The following LYSMD4 variants were observed in gnomAD, a reference collection of about 807,000 sequenced individuals.
LYSMD4 encodes the protein LysM domain containing 4.
LYSMD4 carries 9 observed loss-of-function variants against 6.1 expected under a neutral mutation model. That is an observed-to-expected ratio of 1.47 (90% CI 0.88 to 2.56). The LOEUF is 2.56. LYSMD4 is among the 30% of genes most tolerant of loss of function. LYSMD4 has a pLI of 0.00. For synonymous variants in LYSMD4, 143 were observed against 148.5 expected (o/e 0.96, Z 0.27); for missense variants, 384 against 373.5 (o/e 1.03, Z -0.23).
At chr15:99,732,098 T>A (rs1356922013) in intron 1 of LYSMD4, 91 bp from the exon 2 acceptor site, 7 of 1,346,110 alleles carry the variant, frequency 5.2e-6, no homozygotes, top group Non-Finnish European at 7.0e-6. Flanking sequence ...TAGAGAGTAT[T>A]CCTTTTCCTA....
At chr15:99,731,581 G>C in intron 2 of LYSMD4, 137 bp downstream of exon 2, 1 of 1,526,308 alleles carries the variant, frequency 6.6e-7, no homozygotes, top group Non-Finnish European at 8.7e-7. Flanking sequence ...GCTAAATAGG[G>C]GAGTCCTTGG....
In LYSMD4 at chr15:99,729,175, G is replaced by C. The variant is rs1289169935; in HGVS notation, c.839C>G (p.Ala280Gly). ...GAACTGGCTGTCTGCAGAAGTGACG[G>C]CTGGCACTGCAACTGCTAGTCTGGG... ...QAPRLAVAVPAVTSADSQFSQ... is the reference protein window; with the variant it reads ...QAPRLAVAVPGVTSADSQFSQ... The change falls in exon 3 of 3, where the codon GCC (alanine) becomes GGC (glycine). Residue 280 changes from alanine to glycine, a missense_variant. Physicochemically the swap from Ala to Gly is moderately conservative, Grantham distance 60 (BLOSUM62 0). Coordinates refer to ENST00000684762, the MANE Select transcript of LYSMD4 (RefSeq NM_001284417.2). 1.9e-6 allele frequency: 3 copies of C among 1,614,110 alleles called. No individual in the cohort carries two copies. Among genetic ancestry groups the C allele is most frequent in the Non-Finnish European group, 2.5e-6 (3 of 1,180,040 alleles).
chr15:99,716,612 T>G (rs1457444592), exon 1 of LYSMD4: 1 of 456,752 alleles, frequency 2.2e-6, no homozygotes, highest in Non-Finnish European at 4.4e-6. Flanking sequence ...CCTGCAGGCT[T>G]CTTTCTCTGG....
At position 99,729,511 on chromosome 15, in the gene LYSMD4, C is replaced by G; in HGVS notation, c.503G>C (p.Gly168Ala). Reference sequence around the variant, plus strand: ...ATCCTGGTCAATCCCCTTAAAGAAGCCCATCAGTTGGCCGGCCTGGGCACC... The same window carrying G: ...ATCCTGGTCAATCCCCTTAAAGAAGGCCATCAGTTGGCCGGCCTGGGCACC... ...GTGAQAGQLM[G>A]FFKGIDQDIE... The change falls in exon 3 of 3, where the codon GGC becomes GCC. Residue 168 changes from glycine to alanine, a missense_variant. Transcript: ENST00000684762. 6.2e-7 allele frequency: 1 copy of G among 1,614,130 alleles called. No individual in the cohort carries two copies. Among genetic ancestry groups the G allele is most frequent in the Admixed American group, 1.7e-5 (1 of 60,028 alleles).
Position 99,729,591 on chromosome 15 carries a change from GGAA to G in LYSMD4, c.420_422del (p.Ser141del). 1 of 1,614,090 alleles carries G rather than the reference GGAA, an allele frequency of 6.2e-7. No individual in the cohort carries two copies. The highest frequency in any genetic ancestry group is 2.2e-5 in the East Asian group (1 of 44,884). Reference sequence around the variant, plus strand: ...GCAGTTCCACGGTCACTGTGGTCTCGGAAGACGGGCTCAGAAGGGGTTTCAGTT... The same window carrying G: ...GCAGTTCCACGGTCACTGTGGTCTCGGACGGGCTCAGAAGGGGTTTCAGTT... On this transcript the variant is annotated inframe_deletion, in exon 3 of 3. Transcript: ENST00000684762.
downstream of LYSMD4, among the ~76,000 whole-genome samples, chr15:99,727,146 G>A (rs574059499): frequency 2.0e-5 from 3 of 152,300 alleles, no homozygotes; most frequent in African/African-American, 7.2e-5. Context: ...AGGCTGAGGT[G>A]GGCAGATTAT....
At chr15:99,722,289 A>G (rs1403365475), upstream of LYSMD4, among the ~76,000 whole-genome samples, 1 of 152,160 alleles carries the variant, frequency 6.6e-6, no homozygotes, top group African/African-American at 2.4e-5. Flanking sequence ...AGCAGGACTG[A>G]AAAAATCCTC....
Position 99,733,426 on chromosome 15 carries a change from C to A in LYSMD4, c.-90G>T, listed in dbSNP as rs1055763929. ...CGACCCGCAGCTGCCACCGCGCCTG[C>A]GGATTGGCTACGAACATCAGCAGGG... On this transcript the variant is annotated 5_prime_UTR_variant, in exon 1 of 3. Transcript: ENST00000684762. 2.3e-5 allele frequency: 9 copies of A among 395,246 alleles called. No homozygotes were observed. Among genetic ancestry groups the A allele is most frequent in the African/African-American group, 1.9e-4 (9 of 48,430 alleles). 24.5% of individuals were successfully genotyped at this position (395,246 alleles called of 1,614,324 possible). A position where few individuals can be genotyped will look rare whatever the true frequency, so the allele number is the denominator to read the frequency against.
exon 1 of LYSMD4, chr15:99,716,586 A>G (rs2059171281): frequency 2.2e-6 from 1 of 456,496 alleles, no homozygotes; most frequent in African/African-American, 2.0e-5. Context: ...CATTCCTTTC[A>G]CGAAGACCTT....
chr15:99,731,810 G>C lies in LYSMD4; in HGVS notation c.190C>G (p.Pro64Ala). ...ERHKSGVHQP[P>A]QAGAGDVVLL... ...ACCACGTCACCTGCTCCCGCCTGGG[G>C]AGGCTGGTGGACACCGCTCTTGTGG... The change falls in exon 2 of 3, where the codon CCC becomes GCC. Residue 64 changes from proline (P) to alanine (A), a missense_variant. Coordinates refer to ENST00000684762, the MANE Select transcript of LYSMD4 (RefSeq NM_001284417.2). 6.2e-7 allele frequency: 1 copy of C among 1,612,590 alleles called. No individual in the cohort carries two copies. Among genetic ancestry groups the C allele is most frequent in the Non-Finnish European group, 8.5e-7 (1 of 1,180,022 alleles).
At chr15:99,727,108 C>T (rs2059290691), downstream of LYSMD4, among the ~76,000 whole-genome samples, 2 of 152,214 alleles carry the variant, frequency 1.3e-5, no homozygotes, top group African/African-American at 4.8e-5. Flanking sequence ...GGTGCAGTGG[C>T]TCACGTCTGT....
chr15:99,719,785 G>C (rs143502896), upstream of LYSMD4, among the ~76,000 whole-genome samples: 104 of 152,312 alleles, frequency 6.8e-4, no homozygotes, highest in Non-Finnish European at 1.2e-3. Flanking sequence ...CGCCAAATTT[G>C]CCTCCAGAGA....
In LYSMD4 at chr15:99,731,943, C is replaced by G; in HGVS notation, c.57G>C (p.Gly19=). 1 of 1,611,394 alleles carries G rather than the reference C, an allele frequency of 6.2e-7. No individual in the cohort carries two copies. ...ACATGTATACGTGGCTGGTCGGAGTCCCACACACAACAGCTGGGCCTTGGA... is the reference window on the plus strand; with the variant it reads ...ACATGTATACGTGGCTGGTCGGAGTGCCACACACAACAGCTGGGCCTTGGA... ...KTFQGPAVVC[G]TPTSHVYMFK... is the part of the protein sequence containing the mutation. The change falls in exon 2 of 3, where the codon GGG becomes GGC. Residue 19 remains glycine (G), a synonymous_variant. Transcript: ENST00000684762.
downstream of LYSMD4, among the ~76,000 whole-genome samples, chr15:99,722,987 C>T (rs1172137951): frequency 1.3e-5 from 2 of 151,686 alleles, no homozygotes; most frequent in Non-Finnish European, 2.9e-5. Flanking sequence ...GCCAAGATCA[C>T]GCCAGTACAC....
intron 1 of LYSMD4, 187 bp downstream of exon 1, chr15:99,733,158 A>C (rs1417499763): frequency 5.4e-6 from 2 of 372,180 alleles, no homozygotes; most frequent in East Asian, 7.8e-5. Flanking sequence ...TCTGACCCCC[A>C]ACCCTAGCCA....
chr15:99,730,195 C>T (rs713613), intron 2 of LYSMD4, among the ~76,000 whole-genome samples: 107,474 of 152,104 alleles, frequency 0.71, 40,911 homozygotes, highest in Non-Finnish European at 0.84. Flanking sequence ...CACACAGCCT[C>T]AGCCAGCTCT....
chr15:99,718,851 G>A (rs1238846722), upstream of LYSMD4, among the ~76,000 whole-genome samples: 5 of 151,974 alleles, frequency 3.3e-5, no homozygotes, highest in African/African-American at 7.3e-5. Flanking sequence ...TGTTACCAGG[G>A]TATCACCTCT....
intron 2 of LYSMD4, chr15:99,731,322 T>C (rs1235623762): frequency 6.3e-7 from 1 of 1,593,696 alleles, no homozygotes. Flanking sequence ...CAAGAAAGGT[T>C]CAGAAAAATA....
At position 99,728,798 on chromosome 15, in the gene LYSMD4, A is replaced by C. The variant is rs1240265896; in HGVS notation, c.*325T>G. The C allele has an allele frequency of 2.4e-5, 8 of 334,062 alleles. No individual in the cohort carries two copies. The Admixed American group carries it at 3.2e-4, about 13-fold the overall frequency. 20.7% of individuals were successfully genotyped at this position (334,062 alleles called of 1,614,324 possible). On this transcript the variant is annotated 3_prime_UTR_variant, in exon 3 of 3. Transcript: ENST00000684762. Reference sequence around the variant, plus strand: ...TGCAGGTCCCTCGACAGAGGCCATAAATCTTTCCCTCCGAGCACGTCCAAC... The same window carrying C: ...TGCAGGTCCCTCGACAGAGGCCATACATCTTTCCCTCCGAGCACGTCCAAC...
Sources: gnomAD v4.1 joint callset for allele counts (sites outside exome capture counted in the v4.1 genomes callset) on GRCh38, gnomAD v4.1.1 for gene constraint, MANE v1.5 for transcripts, NCBI Gene and HGNC (gene_info 2026-07-23, HGNC 2026-07-21) for gene names.